CELF2: variants seen among roughly 807,000 people sequenced by gnomAD.
CELF2 encodes CUGBP Elav-like family member 2, also known as CUG triplet repeat RNA-binding protein 2.
In CELF2, 8 loss-of-function variants were observed where a neutral mutation model predicts 62.6. That is an observed-to-expected ratio of 0.13 (90% CI 0.07 to 0.23). The LOEUF is 0.23. Ranked by LOEUF, CELF2 falls within the 10% of genes least tolerant of loss-of-function variation. CELF2 has a pLI of 1.00. For missense variants in CELF2, 333 were observed against 671.0 expected (o/e 0.50, Z 5.56); for synonymous variants, 258 against 250.0 (o/e 1.03, Z -0.30).
intron 7 of CELF2, among the ~76,000 whole-genome samples, chr10:11,272,507 C>T (rs531398601): frequency 2.1e-4 from 32 of 152,320 alleles, no homozygotes; most frequent in Middle Eastern, 3.4e-3. Flanking sequence ...AACTGAGACA[C>T]GTGTCCACTC....
rs540895512 is a variant in CELF2 at position 10,936,076 on chromosome 10, C to A, written c.89+16077C>A. On this transcript the variant is annotated intron_variant, in intron 2 of 13. Transcript: ENST00000636488. The surrounding 1 kb of genome is among the most constrained non-coding windows in gnomAD (Gnocchi z 4.0). The stretch of plus-strand genomic sequence containing the variant: ...ACTCATGAGGCTGAAGCAAGAGAAT[C>A]GCTTAAACCCTGGAGGCAGAGGTTG... Among the ~76,000 whole-genome samples, 1 of 151,838 alleles carries A rather than the reference C, an allele frequency of 6.6e-6. No homozygotes were observed. Among genetic ancestry groups the A allele is most frequent in the Non-Finnish European group, 1.5e-5 (1 of 67,996 alleles).
chr10:11,124,332 A>G (rs1411879724), intron 1 of CELF2, among the ~76,000 whole-genome samples: 2 of 152,162 alleles, frequency 1.3e-5, no homozygotes, highest in Non-Finnish European at 2.9e-5. Flanking sequence ...TGACCTTCCT[A>G]TGAAATGAGA....
chr10:10,564,531 A>G, the CELF2 span, among the ~76,000 whole-genome samples: 1 of 152,116 alleles, frequency 6.6e-6, no homozygotes, highest in Non-Finnish European at 1.5e-5. Flanking sequence ...AGGGACAAAG[A>G]CAAAAGTGTT....
At chr10:11,249,066 G>C in intron 3 of CELF2, 87 bp from the exon 4 acceptor site, 1 of 1,013,662 alleles carries the variant, frequency 9.9e-7, no homozygotes, top group Non-Finnish European at 1.6e-6. Flanking sequence ...CCTTAAAACA[G>C]TATCAGTAAT....
chr10:10,557,087 T>G, the CELF2 span, among the ~76,000 whole-genome samples: 4 of 146,880 alleles, frequency 2.7e-5, no homozygotes, highest in East Asian at 2.0e-4. Flanking sequence ...CTTTTGGTGT[T>G]TTGGACATGA....
chr10:10,745,855 G>T, the CELF2 span, among the ~76,000 whole-genome samples: 3 of 152,176 alleles, frequency 2.0e-5, no homozygotes, highest in Non-Finnish European at 4.4e-5. Flanking sequence ...TGATAATCGG[G>T]TCTTCCCATC....
chr10:11,079,623 T>C (rs1393712033), intron 1 of CELF2, among the ~76,000 whole-genome samples: 1 of 152,212 alleles, frequency 6.6e-6, no homozygotes, highest in Non-Finnish European at 1.5e-5. Context: ...CCTTCCGCCA[T>C]GATTGTAAGT....
chr10:10,836,045 TCTTAGGCATC>T (rs1288767369), intron 1 of CELF2, among the ~76,000 whole-genome samples: 1 of 152,126 alleles, frequency 6.6e-6, no homozygotes, highest in Non-Finnish European at 1.5e-5. Context: ...CTTCCATAAT[TCTTAGGCATC>T]CAAGAATAGG....
At chr10:11,209,074 C>G (rs1565312704) in intron 2 of CELF2, among the ~76,000 whole-genome samples, 1 of 152,166 alleles carries the variant, frequency 6.6e-6, no homozygotes, top group Non-Finnish European at 1.5e-5. Context: ...CTTTAGCTAA[C>G]TTTTGCTGTG....
the CELF2 span, among the ~76,000 whole-genome samples, chr10:10,486,408 G>A: frequency 1.3e-5 from 2 of 152,146 alleles, no homozygotes; most frequent in Non-Finnish European, 2.9e-5. Context: ...GCTCAAATGA[G>A]TCTTCTCTAA....
chr10:10,918,539 C>G (rs548880716), intron 1 of CELF2, among the ~76,000 whole-genome samples: 1 of 152,164 alleles, frequency 6.6e-6, no homozygotes, highest in African/African-American at 2.4e-5. Context: ...CCAAAGTGCT[C>G]AGGTATTATC....
At chr10:10,743,002 A>G in the CELF2 span, among the ~76,000 whole-genome samples, 4 of 152,250 alleles carry the variant, frequency 2.6e-5, no homozygotes, top group Admixed American at 6.5e-5. Context: ...TCATTGCTAC[A>G]TTCATTTATT....
chr10:10,656,266 G>C, the CELF2 span, among the ~76,000 whole-genome samples: 1 of 151,414 alleles, frequency 6.6e-6, no homozygotes, highest in Non-Finnish European at 1.5e-5. Context: ...CTTTTACCCT[G>C]TTGGTGGGAC....
intron 1 of CELF2, among the ~76,000 whole-genome samples, chr10:10,865,823 A>G (rs575364036): frequency 1.3e-5 from 2 of 152,190 alleles, no homozygotes; most frequent in East Asian, 3.9e-4. Context: ...GGAAAAAAAA[A>G]GATTTTTTTT....
At chr10:11,262,422 A>G (rs1301214144) in intron 5 of CELF2, among the ~76,000 whole-genome samples, 1 of 152,190 alleles carries the variant, frequency 6.6e-6, no homozygotes, top group East Asian at 1.9e-4. Context: ...GTTTTCACAC[A>G]TTTCAGCTCT....
At chr10:11,109,872 G>A (rs2054659117) in intron 1 of CELF2, among the ~76,000 whole-genome samples, 1 of 152,194 alleles carries the variant, frequency 6.6e-6, no homozygotes, top group South Asian at 2.1e-4. Context: ...TTTATTGGCA[G>A]CAGTTTAGTC....
the CELF2 span, among the ~76,000 whole-genome samples, chr10:10,558,113 A>G: frequency 1.3e-5 from 2 of 151,818 alleles, no homozygotes; most frequent in Admixed American, 6.6e-5. Context: ...GTCTTGTGCC[A>G]GTTTTCAAAG....
intron 3 of CELF2, among the ~76,000 whole-genome samples, chr10:11,248,895 G>A (rs1361058641): frequency 6.6e-6 from 1 of 152,202 alleles, no homozygotes; most frequent in Non-Finnish European, 1.5e-5. Flanking sequence ...GGCAGAACCA[G>A]GTTTCACACT....
chr10:10,847,241 A>T (rs1158297293), intron 1 of CELF2, among the ~76,000 whole-genome samples: 1 of 152,110 alleles, frequency 6.6e-6, no homozygotes, highest in African/African-American at 2.4e-5. Flanking sequence ...TATAAACAAA[A>T]GTGGAGGATG....
Sources: gnomAD v4.1 joint callset for allele counts (sites outside exome capture counted in the v4.1 genomes callset) on GRCh38, gnomAD v4.1.1 for gene constraint, Gnocchi (gnomAD v3.1) non-coding constraint, MANE v1.5 for transcripts, NCBI Gene and HGNC (gene_info 2026-07-23, HGNC 2026-07-21) for gene names.